Variants in WWOX observed in about 807,000 individuals in gnomAD.
WWOX encodes WW domain containing oxidoreductase, also known as WW domain-containing oxidoreductase.
WWOX carries 69 observed loss-of-function variants against 46.2 expected under a neutral mutation model. That is an observed-to-expected ratio of 1.49 (90% CI 1.23 to 1.82). The LOEUF is 1.82. WWOX is among the 40% of genes most tolerant of loss of function. The pLI, the probability that WWOX is intolerant of heterozygous loss-of-function variation, is 0.00. For synonymous variants in WWOX, 359 were observed against 202.6 expected (o/e 1.77, Z -6.56); for missense variants, 919 against 542.6 (o/e 1.69, Z -6.89).
chr16:79,150,866 G>C (rs971865626), intron 8 of WWOX, among the ~76,000 whole-genome samples: 3 of 152,128 alleles, frequency 2.0e-5, no homozygotes, highest in African/African-American at 7.2e-5. Flanking sequence ...CTTGGAGTGA[G>C]CCAAATAAAA....
intron 8 of WWOX, among the ~76,000 whole-genome samples, chr16:79,062,830 C>T (rs983979263): frequency 3.3e-5 from 5 of 152,114 alleles, no homozygotes; most frequent in Admixed American, 1.3e-4. Flanking sequence ...GAGAGTATTT[C>T]CATTATAAAT....
At chr16:78,177,324 G>A (rs1300374589) in intron 5 of WWOX, among the ~76,000 whole-genome samples, 3 of 152,188 alleles carry the variant, frequency 2.0e-5, no homozygotes, top group Non-Finnish European at 2.9e-5. Context: ...CTAGGTGGTA[G>A]AGTGGGTGAC....
intron 8 of WWOX, among the ~76,000 whole-genome samples, chr16:78,768,161 G>C (rs1555531793): frequency 6.7e-6 from 1 of 150,328 alleles, no homozygotes; most frequent in Non-Finnish European, 1.5e-5. Flanking sequence ...GCGGGGCGGG[G>C]GGGTCGGTTA....
intron 8 of WWOX, among the ~76,000 whole-genome samples, chr16:78,580,161 C>A (rs374395526): frequency 2.0e-5 from 3 of 151,918 alleles, no homozygotes; most frequent in East Asian, 1.9e-4. Context: ...GCAACCTCCA[C>A]CTCCCAAGTT....
intron 8 of WWOX, among the ~76,000 whole-genome samples, chr16:79,032,494 A>T (rs188404379): frequency 6.8e-6 from 1 of 148,080 alleles, no homozygotes; most frequent in African/African-American, 2.5e-5. Flanking sequence ...TACATAATAG[A>T]CTATACACAT....
intron 8 of WWOX, among the ~76,000 whole-genome samples, chr16:78,986,754 A>G (rs999479358): frequency 8.5e-5 from 13 of 152,190 alleles, no homozygotes; most frequent in African/African-American, 2.9e-4. Flanking sequence ...CCATTTCTTG[A>G]TAGCTTCAGA....
intron 8 of WWOX, among the ~76,000 whole-genome samples, chr16:79,001,721 G>T (rs150985437): frequency 2.6e-5 from 4 of 151,880 alleles, no homozygotes; most frequent in African/African-American, 7.2e-5. Context: ...GGAGGGGAGA[G>T]AGGGGGAAAT....
At chr16:78,898,300 C>G (rs1029848218) in intron 8 of WWOX, 2 of 152,140 alleles carry the variant, frequency 1.3e-5, no homozygotes, top group African/African-American at 4.8e-5. Flanking sequence ...TATGTTCCAT[C>G]TCAAATTAAT....
chr16:78,720,718 A>G (rs955733887), intron 8 of WWOX, among the ~76,000 whole-genome samples: 22 of 152,120 alleles, frequency 1.4e-4, no homozygotes, highest in African/African-American at 1.9e-4. Context: ...GGTTTACACT[A>G]TAAATTTCCA....
chr16:78,387,015 C>T (rs913833596), intron 6 of WWOX, 67 bp downstream of exon 6: 4 of 1,480,110 alleles, frequency 2.7e-6, no homozygotes, highest in Non-Finnish European at 2.8e-6. Context: ...ATCAGATGAA[C>T]ACAATTGGGA....
At chr16:78,414,139 G>A (rs1036591678) in intron 6 of WWOX, among the ~76,000 whole-genome samples, 1 of 148,300 alleles carries the variant, frequency 6.7e-6, no homozygotes, top group Non-Finnish European at 1.5e-5. Context: ...TGTGACCCCC[G>A]CCCCTGCCTG....
chr16:78,284,682 G>T (rs953295256), intron 5 of WWOX, among the ~76,000 whole-genome samples: 1 of 152,124 alleles, frequency 6.6e-6, no homozygotes, highest in Non-Finnish European at 1.5e-5. Context: ...CACTCTGCAG[G>T]CATTAATAAA....
intron 6 of WWOX, among the ~76,000 whole-genome samples, chr16:78,410,754 T>A (rs1412505574): frequency 7.2e-6 from 1 of 139,386 alleles, no homozygotes; most frequent in African/African-American, 2.8e-5. Flanking sequence ...TGTGGTCAAC[T>A]GAGATCACAC....
intron 8 of WWOX, among the ~76,000 whole-genome samples, chr16:78,882,609 TCCCGAGTAG>T (rs2044366902): frequency 9.1e-6 from 1 of 110,110 alleles, no homozygotes; most frequent in Non-Finnish European, 1.9e-5. Context: ...CCGAGTAGCC[TCCCGAGTAG>T]CTGGGATTAC....
At chr16:78,360,978 G>A (rs895008539) in intron 5 of WWOX, among the ~76,000 whole-genome samples, 2 of 152,004 alleles carry the variant, frequency 1.3e-5, no homozygotes, top group Non-Finnish European at 2.9e-5. Flanking sequence ...GCACCACCAT[G>A]CCTGGCTAAT....
intron 8 of WWOX, among the ~76,000 whole-genome samples, chr16:78,637,777 G>C (rs1210593040): frequency 1.3e-5 from 2 of 152,212 alleles, no homozygotes; most frequent in Non-Finnish European, 2.9e-5. Context: ...ATGGAGGGAT[G>C]TGTAGGGGAC....
chr16:78,574,263 A>G (rs1252106312), intron 8 of WWOX, among the ~76,000 whole-genome samples: 2 of 152,202 alleles, frequency 1.3e-5, no homozygotes, highest in African/African-American at 2.4e-5. Flanking sequence ...GAAGCCATGT[A>G]TACCTCATCA....
At chr16:78,486,038 C>G (rs2084628030) in intron 8 of WWOX, among the ~76,000 whole-genome samples, 1 of 152,170 alleles carries the variant, frequency 6.6e-6, no homozygotes, top group Non-Finnish European at 1.5e-5. Flanking sequence ...GATGTTTTAT[C>G]TGAAAACAAA....
intron 8 of WWOX, among the ~76,000 whole-genome samples, chr16:78,736,095 G>C (rs1289985069): frequency 6.6e-6 from 1 of 152,150 alleles, no homozygotes; most frequent in Non-Finnish European, 1.5e-5. Flanking sequence ...AATGTTCTTG[G>C]GACAAATGTG....
Sources: allele counts gnomAD v4.1 joint callset (sites outside exome capture counted in the v4.1 genomes callset), GRCh38; gene constraint gnomAD v4.1.1; transcripts MANE v1.5; gene names NCBI Gene and HGNC (gene_info 2026-07-23, HGNC 2026-07-21).